The following LEPR variants were observed in gnomAD, a reference collection of about 807,000 sequenced individuals.
LEPR encodes the protein OB receptor.
Under a neutral mutation model 114.7 loss-of-function variants are expected in LEPR, and 56 were observed. That is an observed-to-expected ratio of 0.49 (90% CI 0.39 to 0.61). The LOEUF (loss-of-function observed/expected upper bound fraction) is 0.61. Ranked by LOEUF, LEPR falls within the 20% of genes least tolerant of loss-of-function variation. The pLI, the probability that LEPR is intolerant of heterozygous loss-of-function variation, is 0.00. For missense variants in LEPR, 1,202 were observed against 1,352.9 expected, an observed-to-expected ratio of 0.89 and a Z score of 1.75; for synonymous variants, 443 against 461.4, an observed-to-expected ratio of 0.96 and a Z score of 0.51.
At chr1:65,568,401 G>C (rs1653919211) in intron 3 of LEPR, among the ~76,000 whole-genome samples, 2 of 152,066 alleles carry the variant, frequency 1.3e-5, no homozygotes, top group Admixed American at 1.3e-4. Context: ...CTGTTTCTGA[G>C]TTATTTCACT....
intron 11 of LEPR, among the ~76,000 whole-genome samples, chr1:65,608,394 C>A (rs1367266764): frequency 1.3e-5 from 2 of 152,134 alleles, no homozygotes; most frequent in East Asian, 3.9e-4. Flanking sequence ...CCACGCGTGG[C>A]TAATTTTTTG....
intron 2 of LEPR, among the ~76,000 whole-genome samples, chr1:65,516,374 G>A (rs1458520265): frequency 6.6e-6 from 1 of 152,176 alleles, no homozygotes; most frequent in African/African-American, 2.4e-5. Context: ...AACCCAGGAG[G>A]TGGAGGTTGC....
chr1:65,526,922 C>T (rs1053778379), intron 2 of LEPR, among the ~76,000 whole-genome samples: 1 of 152,114 alleles, frequency 6.6e-6, no homozygotes, highest in Non-Finnish European at 1.5e-5. Flanking sequence ...GCATTTATGA[C>T]TTAGGCTTTT....
rs550450026 is a variant in LEPR at position 65,435,461 on chromosome 1, G to A, written c.-21+10083G>A. On this transcript the variant is annotated intron_variant, in intron 2 of 19. Transcript: ENST00000349533. Reference sequence around the variant, plus strand: ...TGGCTCACTGCAAGCTCCGCCTCCCGGGTTCACGCCATTCTCCTGCCTCAG... The same window carrying A: ...TGGCTCACTGCAAGCTCCGCCTCCCAGGTTCACGCCATTCTCCTGCCTCAG... The A allele has an allele frequency of 1.9e-3, 928 of 478,780 alleles. 2 individuals carry two copies. Among genetic ancestry groups the A allele is most frequent in the Admixed American group, 2.8e-3 (41 of 14,696 alleles). The allele number at this position is 478,780 out of a possible 1,614,324, so 29.7% of individuals were successfully genotyped here.
At chr1:65,600,911 C>T (rs1383738970) in intron 8 of LEPR, among the ~76,000 whole-genome samples, 10 of 151,848 alleles carry the variant, frequency 6.6e-5, no homozygotes, top group Non-Finnish European at 7.4e-5. Flanking sequence ...TCTTTACCTA[C>T]TTACTTGAAA....
rs1433116898 is a variant in LEPR at position 65,621,374 on chromosome 1, G to C, written c.2513G>C (p.Ser838Thr). ...TCAGATGATATTGAAAAACACCAGA[G>C]TGATGCAGGTTTATATGTAATTGTG... is the stretch of plus-strand genomic sequence containing the variant. ...FTQDDIEKHQ[S>T]DAGLYVIVPV... Residue 838 changes from serine to threonine, a missense_variant, in exon 18 of 20, where the codon AGT becomes ACT. Transcript: ENST00000349533. 2 of 1,613,178 alleles carry C rather than the reference G, an allele frequency of 1.2e-6. No homozygotes were observed. Among genetic ancestry groups the C allele is most frequent in the Admixed American group, 1.7e-5 (1 of 59,948 alleles).
intron 2 of LEPR, among the ~76,000 whole-genome samples, chr1:65,542,728 C>T (rs1194941690): frequency 1.3e-5 from 2 of 151,838 alleles, no homozygotes; most frequent in East Asian, 3.9e-4. Flanking sequence ...GTTTTCTGTT[C>T]CTGTGTTAGT....
At chr1:65,458,772 AT>A (rs1268811387) in intron 2 of LEPR, among the ~76,000 whole-genome samples, 1 of 151,236 alleles carries the variant, frequency 6.6e-6, no homozygotes, top group African/African-American at 2.4e-5. Flanking sequence ...ATGTTTCTTT[AT>A]TTTTTCTGTT....
intron 2 of LEPR, chr1:65,434,633 G>A (rs1646533679): frequency 1.0e-6 from 1 of 985,396 alleles, no homozygotes; most frequent in East Asian, 1.1e-4. Context: ...GTAGTTTGGA[G>A]GAAGGACAGT....
At chr1:65,605,774 T>G (rs906647962) in intron 11 of LEPR, among the ~76,000 whole-genome samples, 1 of 152,198 alleles carries the variant, frequency 6.6e-6, no homozygotes, top group East Asian at 1.9e-4. Flanking sequence ...TTCAAAGATA[T>G]TAAGAGAGCC....
intron 2 of LEPR, among the ~76,000 whole-genome samples, chr1:65,533,008 C>A (rs1332493969): frequency 6.6e-6 from 1 of 151,940 alleles, no homozygotes; most frequent in African/African-American, 2.4e-5. Context: ...ACCAATAAAA[C>A]TGATATTTTA....
intron 1 of LEPR, 114 bp from the exon 2 acceptor site, chr1:65,425,189 C>A: frequency 2.5e-6 from 2 of 799,160 alleles, no homozygotes; most frequent in Non-Finnish European, 4.2e-6. Flanking sequence ...AAAATTTACT[C>A]ATCCGCCAAA....
intron 19 of LEPR, chr1:65,634,734 G>A (rs762090359): frequency 3.0e-4 from 281 of 927,224 alleles, no homozygotes; most frequent in Non-Finnish European, 3.4e-4. Flanking sequence ...CATATTGATA[G>A]CATCTAATTC....
chr1:65,432,015 TG>T, intron 2 of LEPR: 1 of 1,478,580 alleles, frequency 6.8e-7, no homozygotes, highest in Non-Finnish European at 8.9e-7. Flanking sequence ...TTTAATATGC[TG>T]GGTTTTTTAA....
intron 2 of LEPR, among the ~76,000 whole-genome samples, chr1:65,554,171 A>G (rs932284352): frequency 9.2e-5 from 14 of 152,146 alleles, no homozygotes; most frequent in Non-Finnish European, 1.9e-4. Context: ...CTCTCAGTCA[A>G]GAGGCAGGGT....
chr1:65,511,422 A>G (rs1361883894), intron 2 of LEPR, among the ~76,000 whole-genome samples: 4 of 129,158 alleles, frequency 3.1e-5, no homozygotes, highest in Admixed American at 1.7e-4. Context: ...GTTCATATAT[A>G]TATGTATACA....
intron 2 of LEPR, among the ~76,000 whole-genome samples, chr1:65,528,156 A>G (rs1650105288): frequency 1.1e-5 from 1 of 87,800 alleles, no homozygotes; most frequent in African/African-American, 4.3e-5. Context: ...TACTAAAAGT[A>G]TCCAGAAAAA....
In LEPR at chr1:65,469,792, C is replaced by T. The variant is rs552742287; in HGVS notation, c.-21+44414C>T. Among the ~76,000 whole-genome samples, 19 of 152,304 alleles carry T rather than the reference C, an allele frequency of 1.2e-4. No homozygotes were observed. The South Asian group carries it at 3.7e-3, about 30-fold the overall frequency. ...CCAGTCAACTGCTGTGGACACTGAGCTTTAACACCAATAAGTGCGTGCCGT... is the reference window on the plus strand; with the variant it reads ...CCAGTCAACTGCTGTGGACACTGAGTTTTAACACCAATAAGTGCGTGCCGT... On this transcript the variant is annotated intron_variant, in intron 2 of 19. Transcript: ENST00000349533.
At chr1:65,636,134 A>C in intron 19 of LEPR, 57 bp from the exon 20 acceptor site, 1 of 1,604,794 alleles carries the variant, frequency 6.2e-7, no homozygotes, top group South Asian at 1.1e-5. Flanking sequence ...CCAGTATGAC[A>C]TAATGAAGCA....
Sources: allele counts gnomAD v4.1 joint callset (sites outside exome capture counted in the v4.1 genomes callset), GRCh38; gene constraint gnomAD v4.1.1; transcripts MANE v1.5; gene names NCBI Gene and HGNC (gene_info 2026-07-23, HGNC 2026-07-21).